CTNNA2: variants seen among roughly 807,000 people sequenced by gnomAD.
CTNNA2 encodes the protein catenin alpha 2.
Under a neutral mutation model 101.0 loss-of-function variants are expected in CTNNA2, and 42 were observed. The observed-to-expected ratio is 0.42, with a 90% CI of 0.32 to 0.54. The LOEUF is 0.54. Ranked by LOEUF, CTNNA2 falls within the 20% of genes least tolerant of loss-of-function variation. The pLI, the probability that CTNNA2 is intolerant of heterozygous loss-of-function variation, is 0.14. For missense variants in CTNNA2, 871 were observed against 1,223.1 expected (o/e 0.71, Z 4.29); for synonymous variants, 450 against 456.4 (o/e 0.99, Z 0.18).
intron 17 of CTNNA2, chr2:80,618,797 T>C (rs1183924932): frequency 1.8e-5 from 4 of 224,758 alleles, no homozygotes; most frequent in Non-Finnish European, 3.5e-5. Flanking sequence ...AGCCCCACTA[T>C]AGTTGTCCCA....
At position 80,302,788 on chromosome 2, in the gene CTNNA2, G is replaced by C. The variant is rs763445667; in HGVS notation, c.1057-90423G>C. On this transcript the variant is annotated intron_variant, in intron 7 of 18. Transcript: ENST00000402739. This position sits in a 1 kb window ranked among gnomAD's most constrained non-coding sequence, Gnocchi z 6.4. ...CGTCCTCGCCCTGTGCGTACTCCGG[G>C]CTGGCGCACTGCAAGTTGCCATCGT... 5 of 1,613,550 alleles carry C rather than the reference G, an allele frequency of 3.1e-6. No homozygotes were observed. The South Asian group carries it at 4.4e-5, about 14-fold the overall frequency.
intron 6 of CTNNA2, among the ~76,000 whole-genome samples, chr2:79,902,704 G>A (rs533382850): frequency 5.3e-5 from 8 of 151,002 alleles, no homozygotes; most frequent in African/African-American, 2.0e-4. Context: ...TCAGCTCACT[G>A]CAACTTCTGC....
rs73938439 is a variant in CTNNA2 at position 79,973,730 on chromosome 2, A to G, written c.1056+63933A>G. Among the ~76,000 whole-genome samples, 1,425 of 152,308 alleles carry G rather than the reference A, an allele frequency of 9.4e-3. 26 individuals are homozygous for G. Among genetic ancestry groups the G allele is most frequent in the African/African-American group, 0.032 (1,345 of 41,574 alleles). ...AGGTAAGGGAAGCCAAAGGATTTTA[A>G]GGAAAAACTGAGGAGTGTTACATAA... On this transcript the variant is annotated intron_variant, in intron 7 of 18. Coordinates refer to ENST00000402739, the MANE Select transcript of CTNNA2 (RefSeq NM_001282597.3).
At chr2:79,275,135 T>G (rs765271605) in intron 2 of CTNNA2, among the ~76,000 whole-genome samples, 2 of 152,008 alleles carry the variant, frequency 1.3e-5, no homozygotes, top group Non-Finnish European at 2.9e-5. Flanking sequence ...AATCCAGAGA[T>G]GAGTTCACTG....
intron 3 of CTNNA2, among the ~76,000 whole-genome samples, chr2:79,786,583 G>A (rs1223228130): frequency 6.6e-6 from 1 of 151,808 alleles, no homozygotes; most frequent in Non-Finnish European, 1.5e-5. Flanking sequence ...TAATTATAAC[G>A]ATAGTAGACT....
chr2:80,308,249 G>A (rs115503585), intron 7 of CTNNA2, among the ~76,000 whole-genome samples: 2 of 152,314 alleles, frequency 1.3e-5, no homozygotes, highest in African/African-American at 4.8e-5. Flanking sequence ...AGAGGTGCAA[G>A]TGCAGAAAGT....
chr2:79,345,307 A>G (rs1438473062), intron 3 of CTNNA2, among the ~76,000 whole-genome samples: 1 of 152,124 alleles, frequency 6.6e-6, no homozygotes, highest in Non-Finnish European at 1.5e-5. Flanking sequence ...TTTATATAGC[A>G]TTACACTATT....
At chr2:79,869,689 A>AT in intron 4 of CTNNA2, 127 bp from the exon 5 acceptor site, 2 of 1,205,070 alleles carry the variant, frequency 1.7e-6, no homozygotes, top group Non-Finnish European at 2.2e-6. Flanking sequence ...CTCTTCTCCT[A>AT]TTTTTTCATT....
At chr2:79,342,750 G>T (rs1004627544) in intron 3 of CTNNA2, among the ~76,000 whole-genome samples, 6 of 152,040 alleles carry the variant, frequency 3.9e-5, no homozygotes, top group Non-Finnish European at 8.8e-5. Flanking sequence ...CTCTCATGTT[G>T]GTACTCTTGG....
At chr2:80,230,611 A>G (rs1709154154) in intron 7 of CTNNA2, among the ~76,000 whole-genome samples, 1 of 152,092 alleles carries the variant, frequency 6.6e-6, no homozygotes, top group Non-Finnish European at 1.5e-5. Context: ...CATGATGAAA[A>G]GTGTTCTCTT....
At chr2:80,455,615 T>C (rs552359924) in intron 9 of CTNNA2, among the ~76,000 whole-genome samples, 1 of 152,206 alleles carries the variant, frequency 6.6e-6, no homozygotes, top group African/African-American at 2.4e-5. Context: ...TGGAGAGGAG[T>C]GTACTCTCAC....
At chr2:80,609,621 G>C (rs756633508) in intron 17 of CTNNA2, among the ~76,000 whole-genome samples, 2 of 151,670 alleles carry the variant, frequency 1.3e-5, no homozygotes, top group African/African-American at 2.4e-5. Flanking sequence ...CATCTTCCTT[G>C]CTGCCTTTCT....
intron 15 of CTNNA2, among the ~76,000 whole-genome samples, chr2:80,593,863 C>A (rs1696721037): frequency 1.3e-5 from 2 of 152,124 alleles, no homozygotes; most frequent in Admixed American, 6.6e-5. Flanking sequence ...CCCACATTTT[C>A]TTTATCCACT....
intron 2 of CTNNA2, among the ~76,000 whole-genome samples, chr2:79,689,937 A>G (rs111958319): frequency 1.3e-5 from 2 of 152,160 alleles, no homozygotes; most frequent in African/African-American, 4.8e-5. Flanking sequence ...AAATGATGAA[A>G]ATCCAGAAAA....
At chr2:79,441,813 C>T (rs1482148755) in intron 4 of CTNNA2, among the ~76,000 whole-genome samples, 1 of 152,164 alleles carries the variant, frequency 6.6e-6, no homozygotes, top group Non-Finnish European at 1.5e-5. Context: ...AAACCGTCTC[C>T]AGCCTCTACT....
intron 3 of CTNNA2, among the ~76,000 whole-genome samples, chr2:79,367,266 A>G (rs1160656736): frequency 6.6e-6 from 1 of 152,202 alleles, no homozygotes; most frequent in Non-Finnish European, 1.5e-5. Flanking sequence ...TTGGACTTTT[A>G]GCCTCCAGAG....
chr2:80,106,081 C>T (rs982940436), intron 7 of CTNNA2, among the ~76,000 whole-genome samples: 6 of 152,182 alleles, frequency 3.9e-5, no homozygotes, highest in Admixed American at 3.9e-4. Context: ...AATGCCTCCC[C>T]TAACAAAGGT....
At chr2:80,125,163 A>T (rs1256201541) in intron 7 of CTNNA2, among the ~76,000 whole-genome samples, 1 of 152,172 alleles carries the variant, frequency 6.6e-6, no homozygotes, top group African/African-American at 2.4e-5. Context: ...AGAATTTTAT[A>T]TCTGGTGTCA....
At chr2:79,464,348 G>A (rs1484214259) in intron 4 of CTNNA2, among the ~76,000 whole-genome samples, 1 of 152,146 alleles carries the variant, frequency 6.6e-6, no homozygotes, top group Non-Finnish European at 1.5e-5. Context: ...ATTCCATGGT[G>A]TATATATGCC....
Sources: gnomAD v4.1 joint callset for allele counts (sites outside exome capture counted in the v4.1 genomes callset) on GRCh38, gnomAD v4.1.1 for gene constraint, Gnocchi (gnomAD v3.1) non-coding constraint, MANE v1.5 for transcripts, NCBI Gene and HGNC (gene_info 2026-07-23, HGNC 2026-07-21) for gene names.